PDSS2: variants seen among roughly 807,000 people sequenced by gnomAD.
PDSS2 encodes all trans-polyprenyl-diphosphate synthase PDSS2.
A neutral mutation model predicts 44.5 loss-of-function variants in PDSS2; 31 were observed. The observed-to-expected ratio is 0.70, with a 90% CI of 0.52 to 0.94. The LOEUF (loss-of-function observed/expected upper bound fraction) is 0.94. Among genes scored for constraint, PDSS2 ranks in the 40% least tolerant of loss-of-function variants. PDSS2 has a pLI of 0.00. For synonymous variants in PDSS2, 157 were observed against 180.3 expected (o/e 0.87, Z 1.03); for missense variants, 452 against 482.2 (o/e 0.94, Z 0.59).
intron 4 of PDSS2, among the ~76,000 whole-genome samples, chr6:107,223,661 A>G (rs1170770919): frequency 1.3e-5 from 2 of 151,252 alleles, no homozygotes. Flanking sequence ...CTGCAGTGAG[A>G]CACGTTCAGG....
In PDSS2 at chr6:107,435,759, C is replaced by T. The variant is rs558222070; in HGVS notation, c.296+23231G>A. On this transcript the variant is annotated intron_variant, in intron 1 of 7. Coordinates refer to ENST00000369037, the MANE Select transcript of PDSS2 (RefSeq NM_020381.4). ...ACTGTTTCAAAAATTCAAAACATGACTGCTAAGTTTTTAGAGTATTCATTA... is the reference window on the plus strand; with the variant it reads ...ACTGTTTCAAAAATTCAAAACATGATTGCTAAGTTTTTAGAGTATTCATTA... Among the ~76,000 whole-genome samples the T allele has an allele frequency of 1.4e-4, 22 of 152,230 alleles. No homozygotes were observed. The East Asian group carries it at 3.7e-3, about 25-fold the overall frequency.
At chr6:107,287,936 A>C (rs1776210401) in intron 2 of PDSS2, among the ~76,000 whole-genome samples, 1 of 152,068 alleles carries the variant, frequency 6.6e-6, no homozygotes, top group Admixed American at 6.6e-5. Context: ...TCAAGGTTGC[A>C]GGGAGCTAGC....
chr6:107,402,464 GTATATATATGTATACATATATACGTA>G (rs1442638533), intron 1 of PDSS2, among the ~76,000 whole-genome samples: 17 of 12,248 alleles, frequency 1.4e-3, no homozygotes, highest in Non-Finnish European at 4.6e-3. Context: ...ATATATATAC[GTATATATATGTATACATATATACGTA>G]TATATGTATA....
In PDSS2 at chr6:107,154,774, G is replaced by C. The variant is rs370370070; in HGVS notation, c.1045C>G (p.Arg349Gly). 4.3e-6 allele frequency: 7 copies of C among 1,613,872 alleles called. No homozygotes were observed. In the South Asian group the frequency reaches 5.5e-5, roughly 13 times the overall value. ...CCTTTGCCAGCTTTGATTCTTTCTC[G>C]CAACTGTTAAGAAACAAATGCATGA... ...EKGRLDYAKL[R>G]ERIKAGKGVT... The change falls in exon 8 of 8, where the codon CGA becomes GGA. Residue 349 changes from arginine to glycine, a missense_variant. Transcript: ENST00000369037.
At chr6:107,342,900 A>G (rs1778124360) in intron 1 of PDSS2, among the ~76,000 whole-genome samples, 1 of 152,228 alleles carries the variant, frequency 6.6e-6, no homozygotes, top group Non-Finnish European at 1.5e-5. Context: ...CTGAGTGGGA[A>G]AGAATCACCT....
chr6:107,334,709 T>TAAAA (rs55678823), intron 1 of PDSS2, among the ~76,000 whole-genome samples: 11 of 119,180 alleles, frequency 9.2e-5, no homozygotes, highest in African/African-American at 2.2e-4. Context: ...CTCAGCTAAT[T>TAAAA]AAAAAAAAAA....
intron 4 of PDSS2, among the ~76,000 whole-genome samples, chr6:107,243,515 A>T (rs1349555692): frequency 6.6e-6 from 1 of 152,260 alleles, no homozygotes; most frequent in African/African-American, 2.4e-5. Flanking sequence ...GTAAAAATTA[A>T]CATATTTAAT....
At chr6:107,288,134 C>A (rs1776216178) in intron 2 of PDSS2, among the ~76,000 whole-genome samples, 1 of 152,160 alleles carries the variant, frequency 6.6e-6, no homozygotes, top group Non-Finnish European at 1.5e-5. Flanking sequence ...CAGGCATGAG[C>A]CACAACATGT....
Position 107,445,863 on chromosome 6 carries a change from G to A in PDSS2, c.296+13127C>T, listed in dbSNP as rs143787170. The stretch of plus-strand genomic sequence containing the variant: ...AAAATGACTTGCCTGGGGATCACAC[G>A]GTTAAGTACTGACAGAGATGAAACT... On this transcript the variant is annotated intron_variant, in intron 1 of 7. Coordinates refer to ENST00000369037, the MANE Select transcript of PDSS2 (RefSeq NM_020381.4). Among the ~76,000 whole-genome samples the A allele has an allele frequency of 3.7e-3, 570 of 152,202 alleles. 4 individuals are homozygous for A. The highest frequency in any genetic ancestry group is 9.7e-3 in the African/African-American group (404 of 41,540).
chr6:107,320,229 A>G (rs1390205963), intron 2 of PDSS2, among the ~76,000 whole-genome samples: 1 of 152,206 alleles, frequency 6.6e-6, no homozygotes, highest in East Asian at 1.9e-4. Context: ...TTTGCGTCGC[A>G]GTTTGTTGGT....
intron 2 of PDSS2, among the ~76,000 whole-genome samples, chr6:107,276,765 C>T (rs1377809640): frequency 1.3e-5 from 2 of 152,084 alleles, no homozygotes; most frequent in Non-Finnish European, 2.9e-5. Flanking sequence ...AAATGAGGGA[C>T]AAACAGGCTT....
intron 4 of PDSS2, among the ~76,000 whole-genome samples, chr6:107,235,253 C>T (rs1414694572): frequency 6.6e-6 from 1 of 152,188 alleles, no homozygotes; most frequent in Non-Finnish European, 1.5e-5. Context: ...AAGGTAAACA[C>T]AGATCCTCCC....
chr6:107,292,669 A>G (rs575394800), intron 2 of PDSS2, among the ~76,000 whole-genome samples: 1 of 152,346 alleles, frequency 6.6e-6, no homozygotes, highest in Admixed American at 6.5e-5. Context: ...GACTTACTAT[A>G]TTTAAGAACA....
chr6:107,389,125 G>C (rs1158500674), intron 1 of PDSS2, among the ~76,000 whole-genome samples: 2 of 152,124 alleles, frequency 1.3e-5, no homozygotes, highest in Non-Finnish European at 2.9e-5. Context: ...TAGGGTGATG[G>C]AACTATTTTG....
At chr6:107,390,801 G>A (rs1385297200) in intron 1 of PDSS2, among the ~76,000 whole-genome samples, 1 of 152,014 alleles carries the variant, frequency 6.6e-6, no homozygotes, top group East Asian at 1.9e-4. Flanking sequence ...ATAGATATAA[G>A]CCAGAATCAT....
At chr6:107,288,537 T>C (rs937998863) in intron 2 of PDSS2, among the ~76,000 whole-genome samples, 2 of 152,102 alleles carry the variant, frequency 1.3e-5, no homozygotes, top group Non-Finnish European at 2.9e-5. Context: ...TTTTTTATTT[T>C]TGGACGTTTA....
chr6:107,435,331 C>T (rs1029951708), intron 1 of PDSS2, among the ~76,000 whole-genome samples: 4 of 135,326 alleles, frequency 3.0e-5, no homozygotes, highest in Admixed American at 1.5e-4. Context: ...CACACACACA[C>T]GATTAAAATG....
At chr6:107,300,071 A>G (rs1211909743) in intron 2 of PDSS2, among the ~76,000 whole-genome samples, 2 of 152,164 alleles carry the variant, frequency 1.3e-5, no homozygotes, top group African/African-American at 4.8e-5. Flanking sequence ...GTCTCGGCCC[A>G]AAACCCTACT....
chr6:107,219,884 G>A (rs1211294006), intron 4 of PDSS2, among the ~76,000 whole-genome samples: 1 of 152,208 alleles, frequency 6.6e-6, no homozygotes, highest in Non-Finnish European at 1.5e-5. Context: ...TGTTTTAAAT[G>A]TTAAAAGCTA....
Sources: gnomAD v4.1 joint callset for allele counts (sites outside exome capture counted in the v4.1 genomes callset) on GRCh38, gnomAD v4.1.1 for gene constraint, MANE v1.5 for transcripts, NCBI Gene and HGNC (gene_info 2026-07-23, HGNC 2026-07-21) for gene names.